The following ETV6 variants were observed in gnomAD, a reference collection of about 807,000 sequenced individuals.
The protein encoded by ETV6 is transcription factor ETV6.
Under a neutral mutation model 51.1 loss-of-function variants are expected in ETV6, and 16 were observed. The observed-to-expected ratio is 0.31, with a 90% confidence interval of 0.21 to 0.48. The LOEUF (loss-of-function observed/expected upper bound fraction) is 0.48. Ranked by LOEUF, ETV6 falls within the 20% of genes least tolerant of loss-of-function variation. The pLI, the probability that ETV6 is intolerant of heterozygous loss-of-function variation, is 0.99. For synonymous variants in ETV6, 240 were observed against 224.1 expected, an observed-to-expected ratio of 1.07 and a Z score of -0.64; for missense variants, 458 against 594.8, an observed-to-expected ratio of 0.77 and a Z score of 2.39.
intron 2 of ETV6, among the ~76,000 whole-genome samples, chr12:11,763,154 G>A (rs1427611402): frequency 2.0e-5 from 3 of 151,988 alleles, no homozygotes; most frequent in Admixed American, 2.0e-4. Flanking sequence ...ATTCCTTCAC[G>A]CCATTGTTCT....
chr12:11,787,288 C>T (rs1003299162), intron 2 of ETV6, among the ~76,000 whole-genome samples: 5 of 152,178 alleles, frequency 3.3e-5, no homozygotes, highest in Admixed American at 3.3e-4. Context: ...CCACATACGG[C>T]TTTCAAGCAC....
intron 2 of ETV6, among the ~76,000 whole-genome samples, chr12:11,801,723 C>T (rs762722): frequency 2.6e-5 from 4 of 152,128 alleles, no homozygotes; most frequent in African/African-American, 9.6e-5. Context: ...TCAGATATGA[C>T]GAATCAAACT....
Position 11,650,123 on chromosome 12 carries a change from G to A in ETV6, c.-5G>A. The A allele has an allele frequency of 6.2e-7, 1 of 1,613,716 alleles. No individual in the cohort carries two copies. The highest frequency in any genetic ancestry group is 8.5e-7 in the Non-Finnish European group (1 of 1,179,692). On this transcript the variant is annotated 5_prime_UTR_variant, in exon 1 of 8. Coordinates refer to ENST00000396373, the MANE Select transcript of ETV6 (RefSeq NM_001987.5). ...AGAACTTCCTGATCTCTCTCGCTGT[G>A]AGACATGTCTGAGACTCCTGCTCAG...
chr12:11,756,396 C>G (rs979812815), intron 2 of ETV6, among the ~76,000 whole-genome samples: 1 of 152,122 alleles, frequency 6.6e-6, no homozygotes, highest in African/African-American at 2.4e-5. Context: ...TCTTCTTCTT[C>G]CTCTTCTTCC....
chr12:11,889,317 G>T (rs185214994), intron 7 of ETV6, among the ~76,000 whole-genome samples: 1 of 152,298 alleles, frequency 6.6e-6, no homozygotes, highest in East Asian at 1.9e-4. Flanking sequence ...TCCAATAAAA[G>T]ATTTTCAGTA....
At chr12:11,861,776 C>A (rs151221299) in intron 4 of ETV6, among the ~76,000 whole-genome samples, 118 of 152,286 alleles carry the variant, frequency 7.7e-4, no homozygotes, top group African/African-American at 2.6e-3. Context: ...TTGCTCTTTT[C>A]CCCACTCCAG....
chr12:11,783,071 G>C (rs1047212955), intron 2 of ETV6, among the ~76,000 whole-genome samples: 1 of 152,116 alleles, frequency 6.6e-6, no homozygotes, highest in African/African-American at 2.4e-5. Flanking sequence ...GAGAGATGGA[G>C]TGAAAGAGAA....
chr12:11,823,657 G>T (rs1034294140), intron 2 of ETV6, among the ~76,000 whole-genome samples: 1 of 152,008 alleles, frequency 6.6e-6, no homozygotes, highest in African/African-American at 2.4e-5. Context: ...CAGTAGAGAC[G>T]GGGTTTCACT....
At chr12:11,745,148 G>A (rs534619571) in intron 1 of ETV6, among the ~76,000 whole-genome samples, 1 of 152,172 alleles carries the variant, frequency 6.6e-6, no homozygotes, top group Non-Finnish European at 1.5e-5. Flanking sequence ...TGTGGTGTCC[G>A]TGTTTTATTT....
At chr12:11,717,114 G>A (rs754030093) in intron 1 of ETV6, among the ~76,000 whole-genome samples, 5 of 152,116 alleles carry the variant, frequency 3.3e-5, no homozygotes, top group Admixed American at 6.5e-5. Context: ...TTTTGCCCAC[G>A]TTGTATTCCT....
At chr12:11,721,761 A>G (rs972798) in intron 1 of ETV6, among the ~76,000 whole-genome samples, 48,053 of 152,234 alleles carry the variant, frequency 0.32, 8,314 homozygotes, top group Non-Finnish European at 0.39. Context: ...TTTATAAGAC[A>G]TCCAGCAGAG....
intron 2 of ETV6, among the ~76,000 whole-genome samples, chr12:11,836,289 C>T (rs928401111): frequency 2.6e-5 from 4 of 152,210 alleles, no homozygotes; most frequent in Non-Finnish European, 5.9e-5. Context: ...CTTTCCAGCT[C>T]GGTGAACGTG....
At chr12:11,776,561 TAATTTTC>T (rs915861400) in intron 2 of ETV6, among the ~76,000 whole-genome samples, 1 of 152,182 alleles carries the variant, frequency 6.6e-6, no homozygotes, top group Non-Finnish European at 1.5e-5. Flanking sequence ...TTTTAAATGT[TAATTTTC>T]AATACACATG....
At chr12:11,846,071 T>A (rs1215097079) in intron 3 of ETV6, among the ~76,000 whole-genome samples, 2 of 152,068 alleles carry the variant, frequency 1.3e-5, no homozygotes, top group Admixed American at 6.6e-5. Flanking sequence ...AATGGGCATG[T>A]TATGCACTGG....
intron 4 of ETV6, among the ~76,000 whole-genome samples, chr12:11,862,992 G>C (rs994351415): frequency 6.6e-6 from 1 of 152,184 alleles, no homozygotes; most frequent in African/African-American, 2.4e-5. Context: ...GCTTGAGTGA[G>C]CATTACCTCC....
At chr12:11,827,495 C>T (rs1946175844) in intron 2 of ETV6, among the ~76,000 whole-genome samples, 1 of 152,142 alleles carries the variant, frequency 6.6e-6, no homozygotes, top group South Asian at 2.1e-4. Context: ...GAGGTCTGTT[C>T]ATGTAAAAGT....
At chr12:11,662,050 G>A (rs1033635753) in intron 1 of ETV6, among the ~76,000 whole-genome samples, 1 of 152,098 alleles carries the variant, frequency 6.6e-6, no homozygotes, top group Non-Finnish European at 1.5e-5. Context: ...TCGGTGTTAG[G>A]TAACATCTCA....
At chr12:11,776,433 C>T (rs1418271730) in intron 2 of ETV6, among the ~76,000 whole-genome samples, 1 of 149,828 alleles carries the variant, frequency 6.7e-6, no homozygotes, top group African/African-American at 2.5e-5. Flanking sequence ...TTTGTAGAGA[C>T]AGTATCATGC....
At chr12:11,835,601 A>G (rs1180190233) in intron 2 of ETV6, among the ~76,000 whole-genome samples, 2 of 152,232 alleles carry the variant, frequency 1.3e-5, no homozygotes, top group Admixed American at 1.3e-4. Context: ...CATTAAAAGC[A>G]GAGTCCCACC....
Sources: allele counts gnomAD v4.1 joint callset (sites outside exome capture counted in the v4.1 genomes callset), GRCh38; gene constraint gnomAD v4.1.1; transcripts MANE v1.5; gene names NCBI Gene and HGNC (gene_info 2026-07-23, HGNC 2026-07-21).